The following GSE1 variants were observed in gnomAD, a reference collection of about 807,000 sequenced individuals.
GSE1 encodes the protein Gse1 coiled-coil protein.
Under a neutral mutation model 112.6 loss-of-function variants are expected in GSE1, and 32 were observed. The observed-to-expected ratio is 0.28, with a 90% confidence interval of 0.21 to 0.38. The LOEUF is 0.38. GSE1 is among the 10% of genes least tolerant of loss of function. The pLI, the probability that GSE1 is intolerant of heterozygous loss-of-function variation, is 1.00. For synonymous variants in GSE1, 1,115 were observed against 735.6 expected (o/e 1.52, Z -8.35); for missense variants, 2,348 against 1,699.2 (o/e 1.38, Z -6.71).
At chr16:85,347,529 G>A (rs897371236) in intron 1 of GSE1, among the ~76,000 whole-genome samples, 3 of 152,144 alleles carry the variant, frequency 2.0e-5, no homozygotes, top group South Asian at 2.1e-4. Flanking sequence ...TGTCAGTTTC[G>A]TCAACATGGA....
At chr16:85,239,076 C>T (rs369789200) in intron 1 of GSE1, among the ~76,000 whole-genome samples, 7 of 152,216 alleles carry the variant, frequency 4.6e-5, no homozygotes, top group African/African-American at 1.4e-4. Context: ...TATAGGCACC[C>T]GCCACCACGC....
chr16:85,194,385 A>G (rs954996527), intron 1 of GSE1, among the ~76,000 whole-genome samples: 8 of 152,088 alleles, frequency 5.3e-5, no homozygotes, highest in African/African-American at 1.7e-4. Flanking sequence ...GTCTGGGACT[A>G]TTTCTTCTAG....
chr16:85,464,237 G>A (rs535289766), intron 2 of GSE1, among the ~76,000 whole-genome samples: 9 of 152,158 alleles, frequency 5.9e-5, no homozygotes, highest in East Asian at 1.9e-4. Flanking sequence ...TGGAGAGGTC[G>A]CGAACGGTTG....
chr16:85,180,201 G>A (rs1241097748), intron 1 of GSE1, among the ~76,000 whole-genome samples: 6 of 152,234 alleles, frequency 3.9e-5, no homozygotes, highest in Non-Finnish European at 1.5e-5. Flanking sequence ...CTTCCCGCGA[G>A]AGGTGCAGAA....
intron 3 of GSE1, 152 bp from the exon 4 acceptor site, chr16:85,654,126 A>G (rs1273560496): frequency 4.3e-6 from 3 of 703,208 alleles, no homozygotes; most frequent in African/African-American, 1.8e-5. Flanking sequence ...CACCACATGC[A>G]CCATGTTTTG....
chr16:85,541,159 C>A (rs1398012346), intron 2 of GSE1, among the ~76,000 whole-genome samples: 9 of 152,126 alleles, frequency 5.9e-5, no homozygotes, highest in Admixed American at 1.3e-4. Flanking sequence ...AGGAGACCAG[C>A]ATGGAGGAAG....
At chr16:85,592,052 C>T (rs1003686096) in intron 1 of GSE1, among the ~76,000 whole-genome samples, 11 of 152,216 alleles carry the variant, frequency 7.2e-5, no homozygotes, top group African/African-American at 2.4e-4. Flanking sequence ...GGGCACCCCC[C>T]GCCCCCCGCT....
Position 85,672,709 on chromosome 16 carries a change from C to T in GSE1, c.*170C>T, listed in dbSNP as rs913953532. 23 of 446,662 alleles carry T rather than the reference C, an allele frequency of 5.1e-5. No homozygotes were observed. Among genetic ancestry groups the T allele is most frequent in the South Asian group, 4.3e-4 (7 of 16,268 alleles). 27.7% of individuals were successfully genotyped at this position (446,662 alleles called of 1,614,324 possible). On this transcript the variant is annotated 3_prime_UTR_variant, in exon 16 of 16. Transcript: ENST00000253458. ...GAAAAAATGAATGAACTCACCTTGA[C>T]GTCAATGCAATTGAATCACCGTTGT...
intron 1 of GSE1, among the ~76,000 whole-genome samples, chr16:85,217,727 A>G (rs2075327361): frequency 6.6e-6 from 1 of 152,166 alleles, no homozygotes. Flanking sequence ...CGAACAGCCC[A>G]GCGGACTTTC....
chr16:85,484,820 C>T (rs1007354639), intron 2 of GSE1, among the ~76,000 whole-genome samples: 1 of 152,242 alleles, frequency 6.6e-6, no homozygotes. Flanking sequence ...GTAGCCAGCT[C>T]CCCTGCCTTA....
Position 85,419,048 on chromosome 16 carries a change from T to C in GSE1, c.2464+61405T>C, listed in dbSNP as rs573444022. Among the ~76,000 whole-genome samples, 8 of 151,930 alleles carry C rather than the reference T, an allele frequency of 5.3e-5. No individual in the cohort carries two copies. Among genetic ancestry groups the C allele is most frequent in the South Asian group, 4.2e-4 (2 of 4,800 alleles). Reference sequence around the variant, plus strand: ...CACTGTGCGGAGATCCAACTGGCAGTTGGATATTTGAGTCTGGAGCTATGA... The same window carrying C: ...CACTGTGCGGAGATCCAACTGGCAGCTGGATATTTGAGTCTGGAGCTATGA... On this transcript the variant is annotated intron_variant, in intron 2 of 2. Coordinates refer to the GSE1 transcript ENST00000637419. The surrounding 1 kb of genome is among the most constrained non-coding windows in gnomAD (Gnocchi z 6.5).
chr16:85,474,538 C>A (rs2050393604), intron 2 of GSE1, among the ~76,000 whole-genome samples: 1 of 152,132 alleles, frequency 6.6e-6, no homozygotes, highest in African/African-American at 2.4e-5. Context: ...GGTGCCTGTG[C>A]TGATGACCTG....
In GSE1 at chr16:85,420,431, T is replaced by A. The variant is rs1380553641; in HGVS notation, c.2464+62788T>A. Among the ~76,000 whole-genome samples, 3 of 152,120 alleles carry A rather than the reference T, an allele frequency of 2.0e-5. No individual in the cohort carries two copies. The East Asian group carries it at 5.8e-4, about 29-fold the overall frequency. ...AAGCTAACACAGGATCAGGCAGGAT[T>A]TGCTTCTGTCTTGTCCTCCCTCCCC... On this transcript the variant is annotated intron_variant, in intron 2 of 2. Transcript: ENST00000637419.
intron 1 of GSE1, among the ~76,000 whole-genome samples, chr16:85,574,065 C>A (rs1014630581): frequency 1.3e-5 from 2 of 151,804 alleles, no homozygotes; most frequent in African/African-American, 4.8e-5. Flanking sequence ...ACATGGCGGG[C>A]GGGGGCGCCA....
chr16:85,184,663 C>T (rs1268353569), intron 1 of GSE1, among the ~76,000 whole-genome samples: 1 of 152,202 alleles, frequency 6.6e-6, no homozygotes, highest in Non-Finnish European at 1.5e-5. Context: ...TTCTCATTCT[C>T]ATCTCATTTG....
intron 2 of GSE1, among the ~76,000 whole-genome samples, chr16:85,383,331 C>T (rs1235591642): frequency 6.6e-6 from 1 of 152,006 alleles, no homozygotes; most frequent in Non-Finnish European, 1.5e-5. Flanking sequence ...TCAGCACACA[C>T]ACACCGTGAC....
At chr16:85,258,324 C>T (rs1352057911) in intron 1 of GSE1, among the ~76,000 whole-genome samples, 1 of 152,230 alleles carries the variant, frequency 6.6e-6, no homozygotes, top group African/African-American at 2.4e-5. Flanking sequence ...AGCTTGATCT[C>T]AGCCGAGCAT....
intron 1 of GSE1, among the ~76,000 whole-genome samples, chr16:85,556,749 GCCC>G (rs71153803): frequency 1.2e-3 from 102 of 84,282 alleles, no homozygotes; most frequent in Middle Eastern, 7.7e-3. Flanking sequence ...CGGGTAGCAT[GCCC>G]CCCCCCCCCC....
intron 1 of GSE1, among the ~76,000 whole-genome samples, chr16:85,622,516 A>T (rs770899348): frequency 6.6e-6 from 1 of 152,206 alleles, no homozygotes; most frequent in Non-Finnish European, 1.5e-5. Context: ...ATCTTCAAAC[A>T]CACGCTCCCA....
Sources: gnomAD v4.1 joint callset for allele counts (sites outside exome capture counted in the v4.1 genomes callset) on GRCh38, gnomAD v4.1.1 for gene constraint, Gnocchi (gnomAD v3.1) non-coding constraint, MANE v1.5 for transcripts, NCBI Gene and HGNC (gene_info 2026-07-23, HGNC 2026-07-21) for gene names.